CTRB1: variants seen among roughly 807,000 people sequenced by gnomAD.
CTRB1 encodes chymotrypsinogen B.
Under a neutral mutation model 20.4 loss-of-function variants are expected in CTRB1, and 15 were observed. The observed-to-expected ratio is 0.74, with a 90% CI of 0.49 to 1.13. The LOEUF (loss-of-function observed/expected upper bound fraction) is 1.13, where lower values mean the gene tolerates loss of function less well. Ranked by LOEUF, CTRB1 falls within the 50% of genes most tolerant of loss-of-function variation. The pLI, the probability that CTRB1 is intolerant of heterozygous loss-of-function variation, is 0.00. For synonymous variants in CTRB1, 92 were observed against 128.4 expected (o/e 0.72, Z 1.92); for missense variants, 227 against 290.1 (o/e 0.78, Z 1.58).
At chr16:75,224,560 G>T in intron 6 of CTRB1, 145 bp from the exon 7 acceptor site, 1 of 976,006 alleles carries the variant, frequency 1.0e-6, no homozygotes, top group Non-Finnish European at 1.5e-6. Flanking sequence ...AGCTACTAGG[G>T]TCTTTCATAA....
Position 75,222,332 on chromosome 16 carries a change from C to T in CTRB1, c.53-436C>T, listed in dbSNP as rs562256506. The stretch of plus-strand genomic sequence containing the variant: ...CAGATTTTCTTCCCACTTCCCCTCT[C>T]GCCACCAGTCTAACAAAGGCACGTG... On this transcript the variant is annotated intron_variant, in intron 1 of 6. Transcript: ENST00000361017. Among the ~76,000 whole-genome samples the T allele has an allele frequency of 2.3e-4, 35 of 152,280 alleles. 1 individual carries two copies. In the East Asian group the frequency reaches 6.4e-3, roughly 28 times the overall value.
rs1412306587 is a variant in CTRB1, at chr16:75,224,208, G to A, written c.630+20G>A. 7.2e-7 allele frequency: 1 copy of A among 1,397,096 alleles called. No homozygotes were observed. The highest frequency in any genetic ancestry group is 2.8e-5 in the Admixed American group (1 of 36,194). 86.5% of individuals were successfully genotyped at this position (1,397,096 alleles called of 1,614,324 possible). A position where few individuals can be genotyped will look rare whatever the true frequency, so the allele number is the denominator to read the frequency against. On this transcript the variant is annotated intron_variant, in intron 6 of 6. Coordinates refer to ENST00000361017, the MANE Select transcript of CTRB1 (RefSeq NM_001906.6). ...TGCATGGTGAGGCTGGCCCTGCCCA[G>A]GCCCTGGCCAGGCGAGCGGGGTGCA...
chr16:75,220,798 G>T (rs565483659), intron 1 of CTRB1, among the ~76,000 whole-genome samples: 1 of 150,954 alleles, frequency 6.6e-6, no homozygotes, highest in Non-Finnish European at 1.5e-5. Flanking sequence ...CACACTTGTC[G>T]CCCTGGCTGG....
In CTRB1 at chr16:75,224,897, C is replaced by CAG. The variant is rs764636723; in HGVS notation, c.*34_*35dup. 7 of 1,611,274 alleles carry CAG rather than the reference C, an allele frequency of 4.3e-6. No homozygotes were observed. Among genetic ancestry groups the CAG allele is most frequent in the Non-Finnish European group, 5.9e-6 (7 of 1,179,540 alleles). On this transcript the variant is annotated 3_prime_UTR_variant, in exon 7 of 7. Transcript: ENST00000361017. ...CGGCTCCCTCCGACCCTGCTCCCCA[C>CAG]AGAGCCTCAGTAAACCCATGGAACA...
At chr16:75,220,480 G>A (rs1032108791) in intron 1 of CTRB1, among the ~76,000 whole-genome samples, 9 of 152,156 alleles carry the variant, frequency 5.9e-5, no homozygotes, top group African/African-American at 1.9e-4. Context: ...CCCCATGCCC[G>A]ACCTGGGGTC....
In CTRB1 at chr16:75,224,756, G is replaced by C. The variant is rs765374353; in HGVS notation, c.682G>C (p.Val228Leu). The change falls in exon 7 of 7, where the codon GTG becomes CTG. Residue 228 changes from valine to leucine, a missense_variant. Val to Leu is a conservative substitution (Grantham distance 32). Transcript: ENST00000361017. The stretch of plus-strand genomic sequence containing the variant: ...CCAAAAGGATGGAGCCTGGACCCTG[G>C]TGGGCATTGTGTCCTGGGGCAGCGA... ...VCQKDGAWTL[V>L]GIVSWGSDTC... 1.9e-6 allele frequency: 3 copies of C among 1,613,670 alleles called. No individual in the cohort carries two copies. The highest frequency in any genetic ancestry group is 2.5e-6 in the Non-Finnish European group (3 of 1,180,004).
In CTRB1 at chr16:75,224,730, G is replaced by A. The variant is rs1345458826; in HGVS notation, c.656G>A (p.Cys219Tyr). Residue 219 changes from cysteine (C) to tyrosine (Y), a missense_variant, in exon 7 of 7, where the codon TGC (cysteine) becomes TAC (tyrosine). By Grantham distance (194) the Cys-to-Tyr change is radical (BLOSUM62 -2). This residue lies in a region of CTRB1 where 108 missense variants were observed against 76.9 expected (regional missense o/e 1.41). Coordinates refer to ENST00000361017, the MANE Select transcript of CTRB1 (RefSeq NM_001906.6). Reference sequence around the variant, plus strand: ...GGCGACTCTGGCGGCCCCCTGGTCTGCCAAAAGGATGGAGCCTGGACCCTG... The same window carrying A: ...GGCGACTCTGGCGGCCCCCTGGTCTACCAAAAGGATGGAGCCTGGACCCTG... ...CMGDSGGPLV[C>Y]QKDGAWTLVG... 3 of 1,612,730 alleles carry A rather than the reference G, an allele frequency of 1.9e-6. No individual in the cohort carries two copies. The highest frequency in any genetic ancestry group is 1.7e-6 in the Non-Finnish European group (2 of 1,179,650).
chr16:75,222,532 A>G, intron 1 of CTRB1: 2 of 567,374 alleles, frequency 3.5e-6, no homozygotes, highest in Admixed American at 3.2e-5. Flanking sequence ...GACAGGCCCC[A>G]GGTAGGAGGA....
chr16:75,220,752 C>A (rs926241673), intron 1 of CTRB1, among the ~76,000 whole-genome samples: 3 of 86,196 alleles, frequency 3.5e-5, no homozygotes, highest in Non-Finnish European at 7.2e-5. Flanking sequence ...CCATCTAGTT[C>A]TCTTATTTAT....
At position 75,224,700 on chromosome 16, in the gene CTRB1, C is replaced by T. The variant is rs2151377300; in HGVS notation, c.631-5C>T. Reference sequence around the variant, plus strand: ...GATCCAAGCCCCCTTCTCCCTCTCCCACAGGGCGACTCTGGCGGCCCCCTG... The same window carrying T: ...GATCCAAGCCCCCTTCTCCCTCTCCTACAGGGCGACTCTGGCGGCCCCCTG... On this transcript the variant is annotated splice_polypyrimidine_tract_variant and splice_region_variant and intron_variant, in intron 6 of 6. Transcript: ENST00000361017. 1 of 1,606,664 alleles carries T rather than the reference C, an allele frequency of 6.2e-7. No homozygotes were observed.
chr16:75,219,865 T>A (rs2039055696), intron 1 of CTRB1, among the ~76,000 whole-genome samples: 1 of 152,252 alleles, frequency 6.6e-6, no homozygotes, highest in South Asian at 2.1e-4. Flanking sequence ...TGAGCTTGAT[T>A]CTGAACTTTC....
intron 1 of CTRB1, among the ~76,000 whole-genome samples, chr16:75,220,349 A>G (rs1567568832): frequency 6.6e-6 from 1 of 151,926 alleles, no homozygotes; most frequent in Non-Finnish European, 1.5e-5. Context: ...ACACCTGGCT[A>G]ATTTTTGTAT....
In CTRB1 at chr16:75,224,813, G is replaced by A. The variant is rs201736292; in HGVS notation, c.739G>A (p.Ala247Thr). ...CTCCACCTCCAGCCCTGGCGTGTACGCCCGTGTCACCAAGCTCATACCTTG... is the reference window on the plus strand; with the variant it reads ...CTCCACCTCCAGCCCTGGCGTGTACACCCGTGTCACCAAGCTCATACCTTG... ...TCSTSSPGVY[A>T]RVTKLIPWVQ... Residue 247 changes from alanine to threonine, a missense_variant, in exon 7 of 7, where the codon GCC becomes ACC. Physicochemically the swap from Ala to Thr is moderately conservative, Grantham distance 58 (BLOSUM62 0). Coordinates refer to ENST00000361017, the MANE Select transcript of CTRB1 (RefSeq NM_001906.6). 211 of 1,613,838 alleles carry A rather than the reference G, an allele frequency of 1.3e-4. 1 individual carries two copies. Among genetic ancestry groups the A allele is most frequent in the Middle Eastern group, 1.6e-4 (1 of 6,084 alleles).
intron 1 of CTRB1, among the ~76,000 whole-genome samples, chr16:75,221,930 G>A (rs1328208087): frequency 4.0e-5 from 6 of 151,508 alleles, no homozygotes; most frequent in South Asian, 4.2e-4. Flanking sequence ...GCTTGGTGGC[G>A]GGCACCTGTA....
In CTRB1 at chr16:75,224,912, C is replaced by A. The variant is rs1567571704; in HGVS notation, c.*46C>A. 2 of 1,606,426 alleles carry A rather than the reference C, an allele frequency of 1.2e-6. No individual in the cohort carries two copies. Among genetic ancestry groups the A allele is most frequent in the African/African-American group, 1.3e-5 (1 of 74,632 alleles). ...CTGCTCCCCACAGAGCCTCAGTAAACCCATGGAACACACGTCGGCGCTGTC... is the reference window on the plus strand; with the variant it reads ...CTGCTCCCCACAGAGCCTCAGTAAAACCATGGAACACACGTCGGCGCTGTC... On this transcript the variant is annotated 3_prime_UTR_variant, in exon 7 of 7. Coordinates refer to ENST00000361017, the MANE Select transcript of CTRB1 (RefSeq NM_001906.6).
chr16:75,222,259 C>G (rs991824712), intron 1 of CTRB1, among the ~76,000 whole-genome samples: 2 of 152,240 alleles, frequency 1.3e-5, no homozygotes, highest in East Asian at 3.9e-4. Flanking sequence ...TTCACTCTCC[C>G]GTCTGCAAAT....
chr16:75,224,922 A>C lies in CTRB1; in HGVS notation c.*56A>C. ...CAGAGCCTCAGTAAACCCATGGAAC[A>C]CACGTCGGCGCTGTCCGTCTTCTGT... On this transcript the variant is annotated 3_prime_UTR_variant, in exon 7 of 7. Transcript: ENST00000361017. 1.3e-6 allele frequency: 2 copies of C among 1,597,862 alleles called. No individual in the cohort carries two copies. Among genetic ancestry groups the C allele is most frequent in the Non-Finnish European group, 8.5e-7 (1 of 1,173,420 alleles).
Position 75,221,954 on chromosome 16 carries a change from G to A in CTRB1, c.53-814G>A, listed in dbSNP as rs546457126. On this transcript the variant is annotated intron_variant, in intron 1 of 6. Transcript: ENST00000361017. Reference sequence around the variant, plus strand: ...CGGGCACCTGTAGTCCCAGCTACTCGGGAGGCTGAGGCAGGAGAATGGCGT... The same window carrying A: ...CGGGCACCTGTAGTCCCAGCTACTCAGGAGGCTGAGGCAGGAGAATGGCGT... 9.3e-4 allele frequency among the ~76,000 whole-genome samples: 141 copies of A among 151,604 alleles called. 1 individual carries two copies. The highest frequency in any genetic ancestry group is 3.1e-3 in the African/African-American group (129 of 41,356).
In CTRB1 at chr16:75,224,887, C is replaced by G. The variant is rs1318048359; in HGVS notation, c.*21C>G. ...ACTGAGCCCGCGGCTCCCTCCGACCCTGCTCCCCACAGAGCCTCAGTAAAC... is the reference window on the plus strand; with the variant it reads ...ACTGAGCCCGCGGCTCCCTCCGACCGTGCTCCCCACAGAGCCTCAGTAAAC... On this transcript the variant is annotated 3_prime_UTR_variant, in exon 7 of 7. Coordinates refer to ENST00000361017, the MANE Select transcript of CTRB1 (RefSeq NM_001906.6). The G allele has an allele frequency of 6.2e-7, 1 of 1,612,434 alleles. No individual in the cohort carries two copies. Among genetic ancestry groups the G allele is most frequent in the Non-Finnish European group, 8.5e-7 (1 of 1,179,872 alleles).
Sources: gnomAD v4.1 joint callset for allele counts (sites outside exome capture counted in the v4.1 genomes callset) on GRCh38, gnomAD v4.1.1 for gene constraint, gnomAD v4.1.1 regional missense constraint, MANE v1.5 for transcripts, NCBI Gene and HGNC (gene_info 2026-07-23, HGNC 2026-07-21) for gene names.